TRPC4AP: variants seen among roughly 807,000 people sequenced by gnomAD.
The protein encoded by TRPC4AP is transient receptor potential cation channel subfamily C member 4 associated protein, also known as short transient receptor potential channel 4-associated protein.
A neutral mutation model predicts 99.0 loss-of-function variants in TRPC4AP; 45 were observed. The observed-to-expected ratio is 0.45, with a 90% CI of 0.36 to 0.58. The LOEUF is 0.58. Among genes scored for constraint, TRPC4AP ranks in the 20% least tolerant of loss-of-function variants. The pLI, the probability that TRPC4AP is intolerant of heterozygous loss-of-function variation, is 0.00. For missense variants in TRPC4AP, 879 were observed against 985.3 expected (o/e 0.89, Z 1.44); for synonymous variants, 408 against 385.8 (o/e 1.06, Z -0.67).
At position 35,067,268 on chromosome 20, in the gene TRPC4AP, T is replaced by C. The variant is rs560911089; in HGVS notation, c.414+2028A>G. 9.8e-5 allele frequency among the ~76,000 whole-genome samples: 15 copies of C among 152,346 alleles called. No homozygotes were observed. The South Asian group carries it at 2.9e-3, about 29-fold the overall frequency. On this transcript the variant is annotated intron_variant, in intron 3 of 18. Transcript: ENST00000252015. ...GGGAGGCCAAGGCTGGGGGACTGTT[T>C]GAGTCCGGGAGTTTGAGACCAGTCT...
At chr20:35,024,854 A>AAAAAAAACAAAAAAAAAACAT (rs1479270980) in intron 8 of TRPC4AP, among the ~76,000 whole-genome samples, 1 of 89,480 alleles carries the variant, frequency 1.1e-5, no homozygotes. Context: ...AAAAAAAAAA[A>AAAAAAAACAAAAAAAAAACAT]ATTCTGTTTA....
intron 3 of TRPC4AP, among the ~76,000 whole-genome samples, chr20:35,060,298 G>T (rs2145969962): frequency 6.6e-6 from 1 of 152,076 alleles, no homozygotes; most frequent in Admixed American, 6.6e-5. Context: ...ATACAAAAAG[G>T]ATTATACTCC....
chr20:35,091,027 A>G (rs2085047450), intron 1 of TRPC4AP, among the ~76,000 whole-genome samples: 1 of 152,082 alleles, frequency 6.6e-6, no homozygotes, highest in South Asian at 2.1e-4. Context: ...TAGCTTAAGA[A>G]GGAAAGAGCA....
intron 5 of TRPC4AP, among the ~76,000 whole-genome samples, chr20:35,051,845 C>G (rs1463819355): frequency 1.3e-5 from 2 of 152,134 alleles, no homozygotes; most frequent in Non-Finnish European, 2.9e-5. Flanking sequence ...CCCTTGACTA[C>G]CCACCTTTCT....
chr20:35,054,234 A>G (rs1036934029), intron 5 of TRPC4AP, among the ~76,000 whole-genome samples: 2 of 151,964 alleles, frequency 1.3e-5, no homozygotes, highest in Non-Finnish European at 2.9e-5. Context: ...CACATTTATA[A>G]TAGCGCTCGT....
chr20:35,057,365 C>T, intron 4 of TRPC4AP, 149 bp downstream of exon 4: 1 of 614,868 alleles, frequency 1.6e-6, no homozygotes, highest in Non-Finnish European at 2.9e-6. Context: ...AGCTGCTTAG[C>T]TGGGGGAGGA....
At chr20:35,004,410 T>G (rs1440087555) in intron 17 of TRPC4AP, 48 bp downstream of exon 17, 5 of 1,516,000 alleles carry the variant, frequency 3.3e-6, no homozygotes, top group Non-Finnish European at 4.5e-6. Flanking sequence ...ACAAAGGAAG[T>G]GGTTTCCAAT....
chr20:35,028,577 T>G (rs988987978), intron 8 of TRPC4AP, among the ~76,000 whole-genome samples: 3 of 152,250 alleles, frequency 2.0e-5, no homozygotes, highest in African/African-American at 7.2e-5. Context: ...TGAACTTTTT[T>G]TTAACAGCCT....
chr20:35,065,089 A>G (rs1258797289), intron 3 of TRPC4AP, among the ~76,000 whole-genome samples: 1 of 152,228 alleles, frequency 6.6e-6, no homozygotes, highest in Non-Finnish European at 1.5e-5. Flanking sequence ...AAGATGCTCA[A>G]GTGCATAGAA....
rs377673841 is a variant in TRPC4AP at position 35,056,087 on chromosome 20, T to C, written c.473-1056A>G. 3.3e-5 allele frequency among the ~76,000 whole-genome samples: 5 copies of C among 152,330 alleles called. No individual in the cohort carries two copies. In the East Asian group the frequency reaches 5.8e-4, roughly 18 times the overall value. On this transcript the variant is annotated intron_variant, in intron 4 of 18. Coordinates refer to ENST00000252015, the MANE Select transcript of TRPC4AP (RefSeq NM_015638.3). ...CAATGGGCAGCCCTGCCAAGCTAGC[T>C]TGACTAGATGGGTTGTCTCATAATC... is the stretch of plus-strand genomic sequence containing the variant.
At chr20:35,065,135 G>A (rs867151343) in intron 3 of TRPC4AP, among the ~76,000 whole-genome samples, 1 of 152,314 alleles carries the variant, frequency 6.6e-6, no homozygotes, top group Middle Eastern at 3.4e-3. Flanking sequence ...ATGGAAGATA[G>A]ACTATGTCAG....
chr20:35,054,047 C>T (rs1048520226), intron 5 of TRPC4AP, among the ~76,000 whole-genome samples: 1 of 152,304 alleles, frequency 6.6e-6, no homozygotes, highest in East Asian at 1.9e-4. Flanking sequence ...CAGCCCAATT[C>T]CTGGCTATAC....
In TRPC4AP at chr20:35,057,044, A is replaced by G. The variant is rs182658757; in HGVS notation, c.472+470T>C. ...ATTTGTAACGTGTAAGTTATAAAAAATAATAATAGAATATTACCCATATAT... is the reference window on the plus strand; with the variant it reads ...ATTTGTAACGTGTAAGTTATAAAAAGTAATAATAGAATATTACCCATATAT... On this transcript the variant is annotated intron_variant, in intron 4 of 18. Transcript: ENST00000252015. 6.4e-3 allele frequency among the ~76,000 whole-genome samples: 974 copies of G among 151,958 alleles called. 7 individuals are homozygous for G. The highest frequency in any genetic ancestry group is 0.022 in the African/African-American group (892 of 41,432).
Position 35,008,747 on chromosome 20 carries a change from C to G in TRPC4AP, c.1512G>C (p.Arg504Ser). The G allele has an allele frequency of 6.2e-7, 1 of 1,613,504 alleles. No homozygotes were observed. The highest frequency in any genetic ancestry group is 8.5e-7 in the Non-Finnish European group (1 of 1,179,698). ...CCCTCTTCCCATCACACACCAAACT[C>G]CTGAAATAGAAGAGAGATATTGGTG... The part of the protein sequence containing the change: ...PEVEAVLNTD[R>S]SLVCDGKRGL... Residue 504 changes from arginine to serine, a missense_variant and splice_region_variant, in exon 13 of 19, where the codon AGG becomes AGC. Coordinates refer to ENST00000252015, the MANE Select transcript of TRPC4AP (RefSeq NM_015638.3).
chr20:35,074,144 T>C (rs2084403936), intron 2 of TRPC4AP, among the ~76,000 whole-genome samples: 1 of 152,240 alleles, frequency 6.6e-6, no homozygotes, highest in Admixed American at 6.5e-5. Flanking sequence ...TTTTATTGCA[T>C]CTATTTGATT....
chr20:35,014,822 C>CG (rs1199989801), intron 10 of TRPC4AP, among the ~76,000 whole-genome samples: 2 of 152,132 alleles, frequency 1.3e-5, no homozygotes, highest in South Asian at 2.1e-4. Flanking sequence ...GCCGACTAGC[C>CG]GGGGGGCCAA....
rs116719895 is a variant in TRPC4AP, at chr20:35,055,910, T to C, written c.473-879A>G. On this transcript the variant is annotated intron_variant, in intron 4 of 18. Transcript: ENST00000252015. Reference sequence around the variant, plus strand: ...AAAGTAGCATAAAAACGAAACTTAATTTTCATGAGCCCAAAACCAAAAGAT... The same window carrying C: ...AAAGTAGCATAAAAACGAAACTTAACTTTCATGAGCCCAAAACCAAAAGAT... Among the ~76,000 whole-genome samples the C allele has an allele frequency of 4.3e-3, 658 of 152,340 alleles. 3 individuals carry two copies. The highest frequency in any genetic ancestry group is 0.015 in the African/African-American group (632 of 41,582).
chr20:35,008,573 G>A (rs947363694), intron 13 of TRPC4AP, 91 bp downstream of exon 13: 6 of 1,091,180 alleles, frequency 5.5e-6, no homozygotes, highest in Admixed American at 2.1e-5. Flanking sequence ...AGGCATGGAC[G>A]CTGGTGACTA....
chr20:35,088,906 A>G (rs1223670443), intron 1 of TRPC4AP, among the ~76,000 whole-genome samples: 1 of 152,170 alleles, frequency 6.6e-6, no homozygotes, highest in Non-Finnish European at 1.5e-5. Flanking sequence ...CAGAAAGGAG[A>G]AGAATGGTTA....
Sources: allele counts gnomAD v4.1 joint callset (sites outside exome capture counted in the v4.1 genomes callset), GRCh38; gene constraint gnomAD v4.1.1; transcripts MANE v1.5; gene names NCBI Gene and HGNC (gene_info 2026-07-23, HGNC 2026-07-21).